PRX: variants seen among roughly 807,000 people sequenced by gnomAD.
PRX encodes periaxin.
Under a neutral mutation model 29.6 loss-of-function variants are expected in PRX, and 24 were observed. The ratio of observed to expected loss-of-function variants is 0.81; its 90% CI spans 0.59 to 1.14. The LOEUF (loss-of-function observed/expected upper bound fraction) is 1.14. Ranked by LOEUF, PRX falls within the 50% of genes most tolerant of loss-of-function variation. PRX has a pLI of 0.00. For missense variants in PRX, 1,838 were observed against 1,926.4 expected, an observed-to-expected ratio of 0.95 and a Z score of 0.86; for synonymous variants, 772 against 831.7, an observed-to-expected ratio of 0.93 and a Z score of 1.24.
At position 40,395,949 on chromosome 19, in the gene PRX, C is replaced by T; in HGVS notation, c.2403G>A (p.Met801Ile). The T allele has an allele frequency of 6.2e-7, 1 of 1,614,144 alleles. No homozygotes were observed. Among genetic ancestry groups the T allele is most frequent in the Non-Finnish European group, 8.5e-7 (1 of 1,180,042 alleles). The change falls in exon 7 of 7, where the codon ATG becomes ATA. Residue 801 changes from methionine (M) to isoleucine (I), a missense_variant. Met to Ile is a conservative substitution (Grantham distance 10, BLOSUM62 1). Transcript: ENST00000324001. ...QAEGMEFGFK[M>I]PKMTMPKLGR... ...CTAGCTTGGGCATGGTCATCTTGGG[C>T]ATCTTGAAGCCAAATTCCATCCCTT...
At position 40,393,837 on chromosome 19, in the gene PRX, G is replaced by A; in HGVS notation, c.*129C>T. On this transcript the variant is annotated 3_prime_UTR_variant, in exon 7 of 7. Coordinates refer to ENST00000324001, the MANE Select transcript of PRX (RefSeq NM_181882.3). ...ACTCCTGCCAGAGAGACAGGAGCAG[G>A]CCTCCCTGCCAGCCCTGGTCAGTCA... is the stretch of plus-strand genomic sequence containing the variant. 7.0e-7 allele frequency: 1 copy of A among 1,419,580 alleles called. No individual in the cohort carries two copies. 87.9% of individuals were successfully genotyped at this position (1,419,580 alleles called of 1,614,324 possible).
In PRX at chr19:40,395,568, A is replaced by G. The variant is rs766519481; in HGVS notation, c.2784T>C (p.Ser928=). 2.0e-5 allele frequency: 32 copies of G among 1,614,044 alleles called. No homozygotes were observed. The highest frequency in any genetic ancestry group is 2.5e-5 in the Non-Finnish European group (29 of 1,180,024). ...CAAACTTAGGTAAGGAGAACTTGGAAGAGGGCTTGACTTTTGTCTCTATCA... is the reference window on the plus strand; with the variant it reads ...CAAACTTAGGTAAGGAGAACTTGGAGGAGGGCTTGACTTTTGTCTCTATCA... ...LEMIETKVKP[S]SKFSLPKFGL... is the part of the protein sequence containing the mutation. The change falls in exon 7 of 7, where the codon TCT becomes TCC. Residue 928 remains serine, a synonymous_variant. Coordinates refer to ENST00000324001, the MANE Select transcript of PRX (RefSeq NM_181882.3).
At chr19:40,399,905 T>TTCTTTCTTTCTTTCTTTC (rs1555801711) in intron 5 of PRX, among the ~76,000 whole-genome samples, 2 of 73,970 alleles carry the variant, frequency 2.7e-5, no homozygotes, top group African/African-American at 1.3e-4. Context: ...CTTTCTTTCT[T>TTCTTTCTTTCTTTCTTTC]TTTCTTTCTT....
rs1301252557 is a variant in PRX at position 40,397,422 on chromosome 19, G to A, written c.930C>T (p.Pro310=). 6.2e-7 allele frequency: 1 copy of A among 1,606,078 alleles called. No individual in the cohort carries two copies. Among genetic ancestry groups the A allele is most frequent in the Non-Finnish European group, 8.5e-7 (1 of 1,177,158 alleles). Residue 310 remains proline, a synonymous_variant, in exon 7 of 7, where the codon CCC becomes CCT. Transcript: ENST00000324001. ...LPSLPTLPTL[P]CLETREGAVS... ...CAGCCCCTTCCCGGGTCTCTAGGCA[G>A]GGAAGTGTGGGCAGAGTGGGCAGTG...
In PRX at chr19:40,395,293, C is replaced by T. The variant is rs2079421722; in HGVS notation, c.3059G>A (p.Arg1020Lys). 1.2e-6 allele frequency: 2 copies of T among 1,613,656 alleles called. No homozygotes were observed. Among genetic ancestry groups the T allele is most frequent in the Non-Finnish European group, 1.7e-6 (2 of 1,180,036 alleles). The change falls in exon 7 of 7, where the codon AGG becomes AAG. Residue 1020 changes from arginine to lysine, a missense_variant. By Grantham distance (26) the Arg-to-Lys change is conservative. This residue lies in a region of PRX where 1,143 missense variants were observed against 1,193.0 expected (regional missense o/e 0.96). Transcript: ENST00000324001. ...AGADLKFKGP[R>K]FALPKFGVRG... Reference sequence around the variant, plus strand: ...GACCCCAAACTTGGGGAGAGCAAACCTGGGCCCCTTGAACTTGAGGTCGGC... The same window carrying T: ...GACCCCAAACTTGGGGAGAGCAAACTTGGGCCCCTTGAACTTGAGGTCGGC...
chr19:40,406,930 T>C lies in PRX; in HGVS notation c.27+976A>G, dbSNP rs1197391865. Among the ~76,000 whole-genome samples, 5 of 151,552 alleles carry C rather than the reference T, an allele frequency of 3.3e-5. No individual in the cohort carries two copies. In the South Asian group the frequency reaches 6.3e-4, roughly 19 times the overall value. On this transcript the variant is annotated intron_variant, in intron 4 of 6. Coordinates refer to ENST00000324001, the MANE Select transcript of PRX (RefSeq NM_181882.3). ...CTGGGACTACAGGTGTGCACCATCA[T>C]GCCCGGCTAATTTTTGTATTTTTAG... is the stretch of plus-strand genomic sequence containing the variant.
intron 1 of PRX, among the ~76,000 whole-genome samples, chr19:40,410,041 C>T (rs1241639457): frequency 1.3e-5 from 2 of 152,114 alleles, no homozygotes; most frequent in Non-Finnish European, 2.9e-5. Context: ...TTTGCTGGCC[C>T]CCGTGCTAAG....
intron 1 of PRX, among the ~76,000 whole-genome samples, chr19:40,413,101 T>C (rs554148354): frequency 6.6e-6 from 1 of 152,198 alleles, no homozygotes; most frequent in South Asian, 2.1e-4. Flanking sequence ...CATCAGCCCA[T>C]TTTAGAGATG....
At chr19:40,405,851 A>G (rs1365303776) in intron 4 of PRX, among the ~76,000 whole-genome samples, 2 of 150,748 alleles carry the variant, frequency 1.3e-5, no homozygotes, top group Non-Finnish European at 3.0e-5. Context: ...GTTGGCCAGG[A>G]TGGTCTCGAT....
rs3814288 is a variant in PRX, at chr19:40,408,073, C to T, written c.-99-42G>A. On this transcript the variant is annotated intron_variant, in intron 3 of 6. Transcript: ENST00000324001. ...GTGGAGGCTTGAGGCCAGTAGGGGACGAGAGGTGGAGGCCATGCTTACAGG... is the reference window on the plus strand; with the variant it reads ...GTGGAGGCTTGAGGCCAGTAGGGGATGAGAGGTGGAGGCCATGCTTACAGG... 0.032 allele frequency: 35,885 copies of T among 1,117,132 alleles called. 1,330 individuals carry two copies. The highest frequency in any genetic ancestry group is 0.14 in the African/African-American group (9,291 of 64,672). The allele number at this position is 1,117,132 out of a possible 1,614,324, so 69.2% of individuals were successfully genotyped here.
chr19:40,397,428 T>C lies in PRX; in HGVS notation c.924A>G (p.Thr308=). Residue 308 remains threonine, a synonymous_variant, in exon 7 of 7, where the codon ACA becomes ACG. Transcript: ENST00000324001. ...CTTCCCGGGTCTCTAGGCAGGGAAG[T>C]GTGGGCAGAGTGGGCAGTGAGGGCA... ...PALPSLPTLP[T]LPCLETREGA... is the part of the protein sequence containing the mutation. The C allele has an allele frequency of 6.2e-7, 1 of 1,604,346 alleles. No individual in the cohort carries two copies. Among genetic ancestry groups the C allele is most frequent in the Non-Finnish European group, 8.5e-7 (1 of 1,176,366 alleles).
At position 40,413,378 on chromosome 19, in the gene PRX, T is replaced by G. The variant is rs562518120; in HGVS notation, c.-283A>C. On this transcript the variant is annotated 5_prime_UTR_variant, in exon 1 of 7. Coordinates refer to ENST00000324001, the MANE Select transcript of PRX (RefSeq NM_181882.3). ...CACCTCGAGAGCTCCTGGTCCCGTC[T>G]GTCAGCCCTAGCCCTAGGCTGGGGG... 1 of 152,248 alleles carries G rather than the reference T, an allele frequency of 6.6e-6. No individual in the cohort carries two copies. The highest frequency in any genetic ancestry group is 6.6e-5 in the Admixed American group (1 of 15,256). 9.4% of individuals were successfully genotyped at this position (152,248 alleles called of 1,614,324 possible). A position where few individuals can be genotyped will look rare whatever the true frequency, so the allele number is the denominator to read the frequency against.
At position 40,403,983 on chromosome 19, in the gene PRX, G is replaced by C. The variant is rs1201504287; in HGVS notation, c.28-121C>G. 3 of 1,171,506 alleles carry C rather than the reference G, an allele frequency of 2.6e-6. No homozygotes were observed. The Admixed American group carries it at 6.8e-5, about 27-fold the overall frequency. 72.6% of individuals were successfully genotyped at this position (1,171,506 alleles called of 1,614,324 possible). ...TGTTTATATATATTTAGAGACGGGG[G>C]TGGGGGACGGTCTCGCCACACTGCC... On this transcript the variant is annotated intron_variant, in intron 4 of 6. Coordinates refer to ENST00000324001, the MANE Select transcript of PRX (RefSeq NM_181882.3).
chr19:40,398,017 T>A lies in PRX; in HGVS notation c.382-47A>T. 6.4e-7 allele frequency: 1 copy of A among 1,572,168 alleles called. No individual in the cohort carries two copies. Among genetic ancestry groups the A allele is most frequent in the Non-Finnish European group, 8.6e-7 (1 of 1,158,436 alleles). On this transcript the variant is annotated intron_variant, in intron 6 of 6. Transcript: ENST00000324001. The surrounding 1 kb of genome is among the most constrained non-coding windows in gnomAD (Gnocchi z 6.3). ...AGGAGGCGGTGGGACAGTGGGAGGC[T>A]GGGAGTGGACAGGAAGAGCCCCACC...
chr19:40,398,886 T>C lies in PRX; in HGVS notation c.185-70A>G. 5 of 1,607,146 alleles carry C rather than the reference T, an allele frequency of 3.1e-6. No homozygotes were observed. In the South Asian group the frequency reaches 3.3e-5, roughly 11 times the overall value. The stretch of plus-strand genomic sequence containing the variant: ...TCCGCCCGGGCCTAGTTCTGCCCAC[T>C]TGCACGGAGCCCTCGCGGTGAGGAC... On this transcript the variant is annotated intron_variant, in intron 5 of 6. Transcript: ENST00000324001. The surrounding 1 kb of genome is among the most constrained non-coding windows in gnomAD (Gnocchi z 6.3).
rs572961670 is a variant in PRX at position 40,402,303 on chromosome 19, G to A, written c.184+1403C>T. On this transcript the variant is annotated intron_variant, in intron 5 of 6. Coordinates refer to ENST00000324001, the MANE Select transcript of PRX (RefSeq NM_181882.3). The stretch of plus-strand genomic sequence containing the variant: ...CGGGAGGCGGAGCTTGCAGTGAGCC[G>A]AGATCGTGCCACTGCACTCCAGCCT... 1.1e-4 allele frequency among the ~76,000 whole-genome samples: 16 copies of A among 151,950 alleles called. No individual in the cohort carries two copies. The South Asian group carries it at 2.9e-3, about 28-fold the overall frequency.
At chr19:40,409,237 T>C (rs918904665) in intron 1 of PRX, among the ~76,000 whole-genome samples, 2 of 152,028 alleles carry the variant, frequency 1.3e-5, no homozygotes, top group Non-Finnish European at 2.9e-5. Context: ...GGGCTCATGC[T>C]ATCCTCCTGC....
Position 40,398,420 on chromosome 19 carries a change from G to A in PRX, c.381+200C>T. 4.0e-6 allele frequency: 6 copies of A among 1,485,344 alleles called. No individual in the cohort carries two copies. Among genetic ancestry groups the A allele is most frequent in the Non-Finnish European group, 5.3e-6 (6 of 1,125,342 alleles). 92.0% of individuals were successfully genotyped at this position (1,485,344 alleles called of 1,614,324 possible). A position where few individuals can be genotyped will look rare whatever the true frequency, so the allele number is the denominator to read the frequency against. On this transcript the variant is annotated intron_variant, in intron 6 of 6. Coordinates refer to ENST00000324001, the MANE Select transcript of PRX (RefSeq NM_181882.3). This position sits in a 1 kb window ranked among gnomAD's most constrained non-coding sequence, Gnocchi z 6.3. ...GGGACGCCTCTCCGAGGTGGGTGAG[G>A]GCCCTGGGCTGGGGTGGGTCTGTCC...
At chr19:40,399,875 C>G (rs1568711608) in intron 5 of PRX, among the ~76,000 whole-genome samples, 1 of 71,684 alleles carries the variant, frequency 1.4e-5, no homozygotes, top group Non-Finnish European at 3.0e-5. Context: ...TTCTTTCTTT[C>G]TTTCTTTCTT....
Sources: allele counts gnomAD v4.1 joint callset (sites outside exome capture counted in the v4.1 genomes callset), GRCh38; gene constraint gnomAD v4.1.1; regional missense constraint gnomAD v4.1.1; non-coding constraint Gnocchi (gnomAD v3.1); transcripts MANE v1.5; gene names NCBI Gene and HGNC (gene_info 2026-07-23, HGNC 2026-07-21).